The following IFTAP variants were observed in gnomAD, a reference collection of about 807,000 sequenced individuals.
IFTAP encodes the protein intraflagellar transport associated protein.
IFTAP carries 19 observed loss-of-function variants against 19.4 expected under a neutral mutation model. The ratio of observed to expected loss-of-function variants is 0.98; its 90% CI spans 0.68 to 1.44. The LOEUF is 1.44. Ranked by LOEUF, IFTAP falls within the 40% of genes most tolerant of loss-of-function variation. The pLI, the probability that IFTAP is intolerant of heterozygous loss-of-function variation, is 0.00. For missense variants in IFTAP, 240 were observed against 253.6 expected (o/e 0.95, Z 0.36); for synonymous variants, 85 against 83.5 (o/e 1.02, Z -0.10).
At chr11:36,658,961 C>A in intron 5 of IFTAP, 58 bp from the exon 6 acceptor site, 1 of 1,312,904 alleles carries the variant, frequency 7.6e-7, no homozygotes, top group Non-Finnish European at 1.0e-6. Flanking sequence ...AATTTTTCAA[C>A]TTTATCTTCA....
Position 36,648,051 on chromosome 11 carries a change from G to A in IFTAP, c.394G>A (p.Val132Ile). Residue 132 changes from valine to isoleucine, a missense_variant, in exon 5 of 6, where the codon GTA becomes ATA. Transcript: ENST00000334307. ...LLLPGEVEQD[V>I]STSIPSCIPF... The stretch of plus-strand genomic sequence containing the variant: ...GCTTCCAGGAGAAGTGGAGCAGGAT[G>A]TAAGCACCAGCATTCCTTCCTGTAT... 1 of 1,613,344 alleles carries A rather than the reference G, an allele frequency of 6.2e-7. No homozygotes were observed. Among genetic ancestry groups the A allele is most frequent in the Non-Finnish European group, 8.5e-7 (1 of 1,179,530 alleles).
intron 2 of IFTAP, among the ~76,000 whole-genome samples, chr11:36,623,255 G>A (rs904951194): frequency 3.3e-5 from 5 of 151,872 alleles, no homozygotes; most frequent in Admixed American, 6.6e-5. Context: ...TCTGGGAGGA[G>A]TTTAGGGAGA....
intron 2 of IFTAP, among the ~76,000 whole-genome samples, chr11:36,619,645 G>A (rs986190756): frequency 6.6e-6 from 1 of 152,000 alleles, no homozygotes; most frequent in Non-Finnish European, 1.5e-5. Flanking sequence ...ACATTGTTTT[G>A]ATACCCTTGC....
chr11:36,599,646 T>G (rs1403631185), intron 1 of IFTAP, among the ~76,000 whole-genome samples: 6 of 152,218 alleles, frequency 3.9e-5, no homozygotes, highest in Non-Finnish European at 5.9e-5. Context: ...GGGTTGATTT[T>G]TTTTTAAACA....
chr11:36,607,666 C>T (rs538988502), intron 1 of IFTAP, among the ~76,000 whole-genome samples: 1 of 109,804 alleles, frequency 9.1e-6, no homozygotes, highest in South Asian at 2.5e-4. Context: ...CAGTTGTAAT[C>T]CCCCCTTTTC....
Position 36,636,096 on chromosome 11 carries a change from A to G in IFTAP, c.337A>G (p.Ile113Val). Residue 113 changes from isoleucine to valine, a missense_variant, in exon 4 of 6, where the codon ATT becomes GTT. Coordinates refer to ENST00000334307, the MANE Select transcript of IFTAP (RefSeq NM_138787.4). ...DLEDLDMDEE[I>V]KPQMSEDLLL... is the part of the protein sequence containing the mutation. The stretch of plus-strand genomic sequence containing the variant: ...AGAAGATTTGGACATGGATGAAGAG[A>G]TTAAACCCCAAATGAGTGAGGGTAT... 6.2e-7 allele frequency: 1 copy of G among 1,608,404 alleles called. No individual in the cohort carries two copies. The highest frequency in any genetic ancestry group is 1.1e-5 in the South Asian group (1 of 90,930).
At chr11:36,633,880 A>C (rs572131584) in intron 3 of IFTAP, among the ~76,000 whole-genome samples, 2 of 152,040 alleles carry the variant, frequency 1.3e-5, no homozygotes, top group Admixed American at 1.3e-4. Context: ...CGCTTTTTCT[A>C]ATCTTGAAGA....
At position 36,644,848 on chromosome 11, in the gene IFTAP, C is replaced by T. The variant is rs1477246880; in HGVS notation, c.359-3168C>T. The stretch of plus-strand genomic sequence containing the variant: ...GGGAACATCACACACTGGGGTCTGT[C>T]GTGGGGTGGGGGGAGGGGGAGGGAT... On this transcript the variant is annotated intron_variant, in intron 4 of 5. Transcript: ENST00000334307. Among the ~76,000 whole-genome samples, 6 of 87,694 alleles carry T rather than the reference C, an allele frequency of 6.8e-5. No homozygotes were observed. In the East Asian group the frequency reaches 9.0e-4, roughly 13 times the overall value. The allele number at this position is 87,694 out of a possible 152,430, so 57.5% of individuals were successfully genotyped here.
At chr11:36,608,299 C>G (rs1174779042) in intron 1 of IFTAP, among the ~76,000 whole-genome samples, 1 of 152,148 alleles carries the variant, frequency 6.6e-6, no homozygotes, top group African/African-American at 2.4e-5. Flanking sequence ...TTATATCATA[C>G]ACATGCTATT....
intron 2 of IFTAP, among the ~76,000 whole-genome samples, chr11:36,616,580 G>A (rs925402675): frequency 2.6e-5 from 4 of 151,936 alleles, no homozygotes; most frequent in African/African-American, 4.8e-5. Context: ...TTTCAACACC[G>A]TTGAATAGGT....
chr11:36,634,892 C>G (rs1218849877), intron 3 of IFTAP, among the ~76,000 whole-genome samples: 3 of 151,972 alleles, frequency 2.0e-5, no homozygotes, highest in Non-Finnish European at 4.4e-5. Flanking sequence ...TTCCTTAGAG[C>G]TTAATAAATG....
At chr11:36,642,678 C>A (rs1446240479) in intron 4 of IFTAP, among the ~76,000 whole-genome samples, 1 of 152,104 alleles carries the variant, frequency 6.6e-6, no homozygotes, top group African/African-American at 2.4e-5. Context: ...TGGGCTTCAT[C>A]CCTGGGATGC....
Position 36,598,742 on chromosome 11 carries a change from G to A in IFTAP, c.-24+4150G>A, listed in dbSNP as rs143554245. ...GGGCTTTTGGGGTCAAGCTCACCTG[G>A]TTTTCTTTGCCAGCTCTGCTATTTT... On this transcript the variant is annotated intron_variant, in intron 1 of 5. Transcript: ENST00000334307. Among the ~76,000 whole-genome samples the A allele has an allele frequency of 3.3e-3, 507 of 152,134 alleles. 9 individuals carry two copies. The highest frequency in any genetic ancestry group is 0.025 in the East Asian group (128 of 5,174).
intron 5 of IFTAP, among the ~76,000 whole-genome samples, chr11:36,655,611 G>A (rs550577362): frequency 8.5e-4 from 129 of 152,278 alleles, no homozygotes; most frequent in African/African-American, 3.0e-3. Context: ...ACTCAGGGAT[G>A]TACTGGCCAC....
intron 2 of IFTAP, among the ~76,000 whole-genome samples, chr11:36,627,244 A>G (rs768318001): frequency 1.3e-5 from 2 of 151,200 alleles, no homozygotes; most frequent in Non-Finnish European, 2.9e-5. Flanking sequence ...GGAATGACCT[A>G]AAAATGGAAT....
chr11:36,616,006 G>A (rs11825620), intron 2 of IFTAP, among the ~76,000 whole-genome samples: 3,883 of 152,016 alleles, frequency 0.026, 167 homozygotes, highest in African/African-American at 0.088. Context: ...TTTTAGAGTG[G>A]TAATTACTGC....
intron 1 of IFTAP, among the ~76,000 whole-genome samples, chr11:36,596,231 T>TG (rs1252288249): frequency 6.6e-6 from 1 of 150,804 alleles, no homozygotes; most frequent in Non-Finnish European, 1.5e-5. Flanking sequence ...TGTTTTTTTT[T>TG]TTTTTTGCTT....
intron 2 of IFTAP, 112 bp downstream of exon 2, chr11:36,610,351 G>A (rs544704143): frequency 2.2e-5 from 22 of 1,021,994 alleles, no homozygotes; most frequent in African/African-American, 1.3e-4. Context: ...CATTCCATTC[G>A]TTTATCAGGT....
At position 36,611,753 on chromosome 11, in the gene IFTAP, C is replaced by T. The variant is rs143366490; in HGVS notation, c.136+1514C>T. 4.9e-4 allele frequency among the ~76,000 whole-genome samples: 74 copies of T among 152,064 alleles called. 1 individual carries two copies. The East Asian group carries it at 9.7e-3, about 20-fold the overall frequency. On this transcript the variant is annotated intron_variant, in intron 2 of 5. Transcript: ENST00000334307. ...TTAGGAACTAGCTAGTTAACTTTGA[C>T]GCTGACTGTGAATGATCTGTTTGGA...
Sources: gnomAD v4.1 joint callset for allele counts (sites outside exome capture counted in the v4.1 genomes callset) on GRCh38, gnomAD v4.1.1 for gene constraint, MANE v1.5 for transcripts, NCBI Gene and HGNC (gene_info 2026-07-23, HGNC 2026-07-21) for gene names.